The following EMSY variants were observed in gnomAD, a reference collection of about 807,000 sequenced individuals.
EMSY encodes BRCA2-interacting transcriptional repressor EMSY.
In EMSY, 26 loss-of-function variants were observed where a neutral mutation model predicts 134.6. That is an observed-to-expected ratio of 0.19 (90% CI 0.14 to 0.27). The LOEUF (loss-of-function observed/expected upper bound fraction) is 0.27. Ranked by LOEUF, EMSY falls within the 10% of genes least tolerant of loss-of-function variation. The pLI is 1.00. For synonymous variants in EMSY, 579 were observed against 577.8 expected, an observed-to-expected ratio of 1.00 and a Z score of -0.03; for missense variants, 1,305 against 1,611.4, an observed-to-expected ratio of 0.81 and a Z score of 3.26.
In EMSY at chr11:76,499,313, A is replaced by C. The variant is rs182597388; in HGVS notation, c.1363+2844A>C. 8.7e-5 allele frequency among the ~76,000 whole-genome samples: 8 copies of C among 91,688 alleles called. No individual in the cohort carries two copies. The East Asian group carries it at 3.0e-3, about 34-fold the overall frequency. The allele number at this position is 91,688 out of a possible 152,430, so 60.2% of individuals were successfully genotyped here. ...TTTTTTTTTTTTTTTTTTGAGATGG[A>C]GTCTTGCTGTGTCGCCCAGGCTGGA... is the stretch of plus-strand genomic sequence containing the variant. On this transcript the variant is annotated intron_variant, in intron 9 of 20. Transcript: ENST00000334736.
chr11:76,452,730 A>G (rs1947718294), intron 3 of EMSY, among the ~76,000 whole-genome samples: 1 of 152,188 alleles, frequency 6.6e-6, no homozygotes, highest in African/African-American at 2.4e-5. Context: ...CATTTTTACC[A>G]TTGGTAACAT....
chr11:76,546,272 A>G (rs200352680), exon 20 of EMSY: 88 of 1,610,438 alleles, frequency 5.5e-5, no homozygotes, highest in Non-Finnish European at 1.9e-5. Context: ...AAAGCTGAAG[A>G]GAGTCCAGCA....
chr11:76,527,756 G>A (rs779541364), intron 13 of EMSY, among the ~76,000 whole-genome samples: 2 of 149,208 alleles, frequency 1.3e-5, no homozygotes, highest in Admixed American at 6.7e-5. Flanking sequence ...TGTCAATTAG[G>A]AATTTGATTT....
chr11:76,465,416 T>C (rs879629755), intron 7 of EMSY, among the ~76,000 whole-genome samples: 1 of 152,206 alleles, frequency 6.6e-6, no homozygotes. Flanking sequence ...ATTTATTTTA[T>C]AGGATTTTTG....
chr11:76,481,475 C>A (rs1948977903), intron 8 of EMSY, among the ~76,000 whole-genome samples: 1 of 152,208 alleles, frequency 6.6e-6, no homozygotes, highest in Admixed American at 6.5e-5. Flanking sequence ...CCATGGACGC[C>A]AGCAAGCTAA....
At chr11:76,494,649 C>T (rs993662930) in intron 8 of EMSY, among the ~76,000 whole-genome samples, 1 of 69,122 alleles carries the variant, frequency 1.4e-5, no homozygotes, top group Non-Finnish European at 2.9e-5. Flanking sequence ...CCTTTCCTTT[C>T]CCTTCCTTCC....
At chr11:76,510,432 C>A (rs1288019002) in intron 9 of EMSY, among the ~76,000 whole-genome samples, 4 of 152,176 alleles carry the variant, frequency 2.6e-5, no homozygotes, top group Non-Finnish European at 5.9e-5. Context: ...TGGAACCTTG[C>A]AGAAATAGGA....
intron 2 of EMSY, among the ~76,000 whole-genome samples, chr11:76,448,724 T>C (rs1424019926): frequency 6.6e-6 from 1 of 152,072 alleles, no homozygotes; most frequent in East Asian, 1.9e-4. Context: ...TCCCCACCCG[T>C]TGGCTTATTA....
At chr11:76,537,614 A>G (rs1439219456) in intron 15 of EMSY, among the ~76,000 whole-genome samples, 181 bp from the exon 17 acceptor site, 1 of 152,226 alleles carries the variant, frequency 6.6e-6, no homozygotes, top group African/African-American at 2.4e-5. Flanking sequence ...GAGTATGGTT[A>G]TGCAAGTTGT....
chr11:76,503,573 AG>A (rs1413016178), intron 9 of EMSY, among the ~76,000 whole-genome samples: 1 of 152,196 alleles, frequency 6.6e-6, no homozygotes, highest in Non-Finnish European at 1.5e-5. Flanking sequence ...AAAGGAATGA[AG>A]TGAGACCCTT....
chr11:76,547,746 A>G (rs1049144129), intron 20 of EMSY, among the ~76,000 whole-genome samples: 2 of 152,236 alleles, frequency 1.3e-5, no homozygotes, highest in African/African-American at 4.8e-5. Flanking sequence ...CTAAATTAAA[A>G]ATCATTTTGA....
chr11:76,539,513 CATAA>C, intron 16 of EMSY, 82 bp from the exon 18 acceptor site: 1 of 1,350,276 alleles, frequency 7.4e-7, no homozygotes, highest in South Asian at 1.2e-5. Context: ...TTCTGGGGAA[CATAA>C]ATAACCTCTG....
chr11:76,522,566 C>G (rs971238204), intron 11 of EMSY, among the ~76,000 whole-genome samples: 1 of 151,884 alleles, frequency 6.6e-6, no homozygotes, highest in African/African-American at 2.4e-5. Context: ...GATAGACTTT[C>G]ACCAGGCTGA....
intron 9 of EMSY, among the ~76,000 whole-genome samples, chr11:76,502,064 C>T (rs982996835): frequency 7.0e-6 from 1 of 142,376 alleles, no homozygotes; most frequent in Non-Finnish European, 1.5e-5. Flanking sequence ...AAAAAAAAAC[C>T]CACCAACTAA....
chr11:76,548,717 A>G (rs2136899938), intron 20 of EMSY, among the ~76,000 whole-genome samples: 1 of 152,350 alleles, frequency 6.6e-6, no homozygotes, highest in African/African-American at 2.4e-5. Flanking sequence ...AGAAGCAGAA[A>G]CAAACAAACA....
intron 6 of EMSY, 131 bp from the exon 8 acceptor site, chr11:76,463,690 G>A (rs962522316): frequency 4.3e-5 from 41 of 954,572 alleles, no homozygotes; most frequent in Non-Finnish European, 5.7e-5. Flanking sequence ...TCTGAGGGAA[G>A]ATTGATAGAA....
At chr11:76,484,429 GA>G (rs1175298445) in intron 8 of EMSY, among the ~76,000 whole-genome samples, 1 of 152,042 alleles carries the variant, frequency 6.6e-6, no homozygotes, top group Non-Finnish European at 1.5e-5. Context: ...ATAGAGATAC[GA>G]AAAACCCTTC....
intron 9 of EMSY, among the ~76,000 whole-genome samples, chr11:76,498,608 A>C: frequency 6.6e-6 from 1 of 151,604 alleles, no homozygotes; most frequent in East Asian, 1.9e-4. Context: ...TTAATTCTCT[A>C]TTTTTTTTAA....
At chr11:76,516,491 C>A in intron 11 of EMSY, 179 bp downstream of exon 12, 1 of 411,186 alleles carries the variant, frequency 2.4e-6, no homozygotes, top group Non-Finnish European at 4.2e-6. Flanking sequence ...TCAATATTCA[C>A]ATATAAAGCT....
Sources: gnomAD v4.1 joint callset for allele counts (sites outside exome capture counted in the v4.1 genomes callset) on GRCh38, gnomAD v4.1.1 for gene constraint, MANE v1.5 for transcripts, NCBI Gene and HGNC (gene_info 2026-07-23, HGNC 2026-07-21) for gene names.